The following PREX1 variants were observed in gnomAD, a reference collection of about 807,000 sequenced individuals.
The protein encoded by PREX1 is phosphatidylinositol 3,4,5-trisphosphate-dependent Rac exchanger 1 protein.
In PREX1, 41 loss-of-function variants were observed where a neutral mutation model predicts 198.3. That is an observed-to-expected ratio of 0.21 (90% confidence interval 0.16 to 0.27). PREX1 has a LOEUF of 0.27. Ranked by LOEUF, PREX1 falls within the 10% of genes least tolerant of loss-of-function variation. The pLI, the probability that PREX1 is intolerant of heterozygous loss-of-function variation, is 1.00. For synonymous variants in PREX1, 843 were observed against 887.2 expected (o/e 0.95, Z 0.89); for missense variants, 1,620 against 2,200.7 (o/e 0.74, Z 5.28).
the PREX1 span, among the ~76,000 whole-genome samples, chr20:48,869,671 A>G: frequency 8.5e-5 from 13 of 152,256 alleles, no homozygotes; most frequent in African/African-American, 3.1e-4. Context: ...GCCATAAAAA[A>G]GAATAAGATC....
chr20:48,692,343 T>C (rs968722824), intron 8 of PREX1: 4 of 221,120 alleles, frequency 1.8e-5, no homozygotes, highest in Admixed American at 5.1e-5. Context: ...AAATAGAAAT[T>C]TTAATTAAAA....
chr20:48,828,492 G>A (rs911985638), upstream of PREX1, among the ~76,000 whole-genome samples: 21 of 151,844 alleles, frequency 1.4e-4, no homozygotes, highest in Admixed American at 4.6e-4. Context: ...CGCCACGCGC[G>A]CCTCCGCGGC....
chr20:48,655,410 T>A (rs377580263), intron 18 of PREX1, 35 bp from the exon 19 acceptor site: 1 of 1,440,514 alleles, frequency 6.9e-7, no homozygotes, highest in South Asian at 1.3e-5. Context: ...AAAAAGGCCA[T>A]GAGGAAAACC....
chr20:48,632,222 A>C, intron 35 of PREX1, 55 bp downstream of exon 35: 1 of 1,546,090 alleles, frequency 6.5e-7, no homozygotes, highest in South Asian at 1.1e-5. Flanking sequence ...GCTAATGCCC[A>C]CTCCACGTGG....
chr20:48,820,743 A>G (rs1290321765), intron 1 of PREX1, among the ~76,000 whole-genome samples: 3 of 152,194 alleles, frequency 2.0e-5, no homozygotes, highest in African/African-American at 7.2e-5. Flanking sequence ...TCTGGTAGGT[A>G]GAGGCCAGCG....
At chr20:48,787,193 G>T (rs932333956) in intron 1 of PREX1, among the ~76,000 whole-genome samples, 19 of 152,250 alleles carry the variant, frequency 1.2e-4, no homozygotes, top group Admixed American at 3.3e-4. Flanking sequence ...CCCTCCCTGA[G>T]GAGGCCTGGG....
intron 5 of PREX1, among the ~76,000 whole-genome samples, chr20:48,723,683 C>T (rs757917836): frequency 1.1e-4 from 16 of 152,192 alleles, no homozygotes; most frequent in African/African-American, 2.4e-4. Context: ...GCTTTTCCTG[C>T]GGGCCATTTC....
Position 48,691,062 on chromosome 20 carries a change from G to A in PREX1, c.1071C>T (p.Asn357=), listed in dbSNP as rs139463608. The change falls in exon 9 of 40, where the codon AAC becomes AAT. Residue 357 remains asparagine, a synonymous_variant. Transcript: ENST00000371941. This position sits in a 1 kb window ranked among gnomAD's most constrained non-coding sequence, Gnocchi z 5.0. ...TGGCCGTGTTGTGGATCTTCCAGCC[G>A]TTGGTGACGGTATAGCCGTTGCTAT... The part of the protein sequence containing the change: ...DYHSNGYTVT[N]GWKIHNTAKN... 245 of 1,614,248 alleles carry A rather than the reference G, an allele frequency of 1.5e-4. 1 individual carries two copies. The African/African-American group carries it at 2.1e-3, about 14-fold the overall frequency.
chr20:48,654,886 G>A (rs55841250), intron 19 of PREX1, among the ~76,000 whole-genome samples: 23,927 of 152,226 alleles, frequency 0.16, 2,220 homozygotes, highest in Middle Eastern at 0.3. Context: ...GTGGCCTTTC[G>A]GCTGGATCCG....
rs577774822 is a variant in PREX1 at position 48,672,057 on chromosome 20, G to A, written c.1665+4136C>T. 1.6e-3 allele frequency among the ~76,000 whole-genome samples: 247 copies of A among 152,270 alleles called. 3 individuals are homozygous for A. The highest frequency in any genetic ancestry group is 8.8e-4 in the Non-Finnish European group (60 of 68,020). ...CCTCTGGCCGAGCCCACAACTCCTC[G>A]GCCAGCACTGGCCACGAGAAAGCCC... On this transcript the variant is annotated intron_variant, in intron 14 of 39. Transcript: ENST00000371941.
At chr20:48,789,832 G>A (rs866476903) in intron 1 of PREX1, among the ~76,000 whole-genome samples, 1 of 152,096 alleles carries the variant, frequency 6.6e-6, no homozygotes, top group Non-Finnish European at 1.5e-5. Context: ...ACAGACGGAC[G>A]GATGACAAAT....
At chr20:48,734,052 G>A (rs1313621215) in intron 4 of PREX1, among the ~76,000 whole-genome samples, 1 of 152,118 alleles carries the variant, frequency 6.6e-6, no homozygotes, top group Non-Finnish European at 1.5e-5. Flanking sequence ...GCACCTGGCC[G>A]CTTAAGCCAG....
chr20:48,747,780 A>G (rs751025761), intron 2 of PREX1, 29 bp downstream of exon 2: 1 of 1,593,640 alleles, frequency 6.3e-7, no homozygotes, highest in Middle Eastern at 1.7e-4. Context: ...CAGATGCTCT[A>G]GAACAGGGGC....
chr20:48,668,919 A>G (rs1297068800), intron 14 of PREX1, among the ~76,000 whole-genome samples: 1 of 151,970 alleles, frequency 6.6e-6, no homozygotes, highest in Non-Finnish European at 1.5e-5. Flanking sequence ...TGGCCTTCTG[A>G]GGCGCTCACA....
the PREX1 span, among the ~76,000 whole-genome samples, chr20:48,884,014 C>T: frequency 3.0e-4 from 46 of 151,950 alleles, no homozygotes; most frequent in African/African-American, 1.1e-3. Flanking sequence ...GTGGTGGACG[C>T]CTGTAGTCTC....
intron 13 of PREX1, among the ~76,000 whole-genome samples, chr20:48,677,653 G>A (rs1296338167): frequency 2.0e-5 from 3 of 152,180 alleles, no homozygotes; most frequent in Non-Finnish European, 4.4e-5. Flanking sequence ...GAGTCCCTAG[G>A]CCTCTGCTCT....
In PREX1 at chr20:48,639,881, T is replaced by C. The variant is rs865826830; in HGVS notation, c.3789A>G (p.Lys1263=). ...MNHSLQEFKQ[K]EECTIRGRSL... The stretch of plus-strand genomic sequence containing the variant: ...TCCGGCCACGGATTGTACACTCTTC[T>C]TTCTGTTTAAACTCTGGGGCAGGAA... Residue 1263 remains lysine (K), a synonymous_variant, in exon 30 of 40, where the codon AAA becomes AAG. Transcript: ENST00000371941. 1.9e-6 allele frequency: 3 copies of C among 1,613,978 alleles called. No homozygotes were observed. In the Middle Eastern group the frequency reaches 5.0e-4, roughly 266 times the overall value.
intron 1 of PREX1, among the ~76,000 whole-genome samples, chr20:48,762,695 A>T (rs2090187441): frequency 6.8e-6 from 1 of 148,016 alleles, no homozygotes. Context: ...TAATGGTATG[A>T]AGTTTCTTTT....
chr20:48,816,593 T>G (rs987209784), intron 1 of PREX1, among the ~76,000 whole-genome samples: 3 of 152,160 alleles, frequency 2.0e-5, no homozygotes, highest in Non-Finnish European at 4.4e-5. Context: ...GTGATTCACC[T>G]GCTGGCCGTG....
Sources: allele counts gnomAD v4.1 joint callset (sites outside exome capture counted in the v4.1 genomes callset), GRCh38; gene constraint gnomAD v4.1.1; non-coding constraint Gnocchi (gnomAD v3.1); transcripts MANE v1.5; gene names NCBI Gene and HGNC (gene_info 2026-07-23, HGNC 2026-07-21).